Variants in DPYD observed in about 807,000 individuals in gnomAD.
The protein encoded by DPYD is dihydropyrimidine dehydrogenase [NADP(+)].
A neutral mutation model predicts 116.2 loss-of-function variants in DPYD; 109 were observed. The observed-to-expected ratio is 0.94, with a 90% CI of 0.80 to 1.10. DPYD has a LOEUF of 1.10. DPYD is among the 50% of genes least tolerant of loss of function. The pLI is 0.00. For missense variants in DPYD, 1,302 were observed against 1,254.5 expected (o/e 1.04, Z -0.57); for synonymous variants, 440 against 432.0 (o/e 1.02, Z -0.23).
At chr1:97,809,969 G>C (rs1241469167) in intron 3 of DPYD, among the ~76,000 whole-genome samples, 1 of 152,028 alleles carries the variant, frequency 6.6e-6, no homozygotes, top group Admixed American at 6.6e-5. Flanking sequence ...ACATTTTATA[G>C]ATTTCCAGAA....
Position 97,800,844 on chromosome 1 carries a change from G to A in DPYD, c.233+27270C>T, listed in dbSNP as rs74105460. Reference sequence around the variant, plus strand: ...AATGCTTTTAACTTTCATCTCTTCTGTTGTTTCTTGGAGCCTCCTTAATAC... The same window carrying A: ...AATGCTTTTAACTTTCATCTCTTCTATTGTTTCTTGGAGCCTCCTTAATAC... On this transcript the variant is annotated intron_variant, in intron 3 of 22. Coordinates refer to ENST00000370192, the MANE Select transcript of DPYD (RefSeq NM_000110.4). Among the ~76,000 whole-genome samples, 979 of 151,882 alleles carry A rather than the reference G, an allele frequency of 6.4e-3. 16 individuals carry two copies. Among genetic ancestry groups the A allele is most frequent in the African/African-American group, 0.023 (956 of 41,476 alleles).
intron 16 of DPYD, among the ~76,000 whole-genome samples, chr1:97,351,585 T>C (rs1462040197): frequency 1.3e-5 from 2 of 151,064 alleles, no homozygotes; most frequent in African/African-American, 2.5e-5. Context: ...GAAGAAATCA[T>C]GTCCGTGGTA....
chr1:97,457,729 A>G (rs1285097180), intron 13 of DPYD, among the ~76,000 whole-genome samples: 1 of 152,170 alleles, frequency 6.6e-6, no homozygotes, highest in Non-Finnish European at 1.5e-5. Context: ...ACCGGAAATG[A>G]GGATGGGAGG....
chr1:97,202,364 C>T lies in DPYD; in HGVS notation c.2443-9116G>A, dbSNP rs573024327. Among the ~76,000 whole-genome samples, 36 of 152,212 alleles carry T rather than the reference C, an allele frequency of 2.4e-4. 1 individual carries two copies. In the South Asian group the frequency reaches 7.1e-3, roughly 30 times the overall value. On this transcript the variant is annotated intron_variant, in intron 19 of 22. Coordinates refer to ENST00000370192, the MANE Select transcript of DPYD (RefSeq NM_000110.4). ...AAATTTTAAGTATAAAAATTTCCCC[C>T]TTTTCCTCCAATTAGGAAGGAACTT... is the stretch of plus-strand genomic sequence containing the variant.
chr1:97,527,171 C>T (rs1052619955), intron 12 of DPYD, among the ~76,000 whole-genome samples: 6 of 151,784 alleles, frequency 4.0e-5, no homozygotes, highest in Admixed American at 6.6e-5. Context: ...ATCTACCTCC[C>T]GGGTTCACGC....
At chr1:97,848,926 T>C (rs1670441590) in intron 2 of DPYD, among the ~76,000 whole-genome samples, 1 of 152,166 alleles carries the variant, frequency 6.6e-6, no homozygotes, top group Non-Finnish European at 1.5e-5. Flanking sequence ...GACTGAAATC[T>C]AAATATTAGA....
rs148063350 is a variant in DPYD at position 97,893,845 on chromosome 1, C to T, written c.40-10471G>A. On this transcript the variant is annotated intron_variant, in intron 1 of 22. Coordinates refer to ENST00000370192, the MANE Select transcript of DPYD (RefSeq NM_000110.4). The stretch of plus-strand genomic sequence containing the variant: ...CTTCACTTCTAAAATACACACCACA[C>T]AACAGGTGCCTAAATGATCTCTATG... 3.6e-3 allele frequency among the ~76,000 whole-genome samples: 551 copies of T among 151,742 alleles called. 7 individuals carry two copies. Among genetic ancestry groups the T allele is most frequent in the African/African-American group, 0.013 (532 of 41,490 alleles).
At chr1:97,368,817 C>T (rs1243978917) in intron 16 of DPYD, among the ~76,000 whole-genome samples, 1 of 152,180 alleles carries the variant, frequency 6.6e-6, no homozygotes, top group African/African-American at 2.4e-5. Context: ...TTCACATGCA[C>T]CAGAAACAGT....
intron 20 of DPYD, among the ~76,000 whole-genome samples, chr1:97,174,772 GTATT>G (rs1270357855): frequency 2.5e-4 from 38 of 152,150 alleles, no homozygotes; most frequent in African/African-American, 9.2e-4. Context: ...AATTAACAAT[GTATT>G]TATAATATGT....
At chr1:97,220,808 T>C (rs1018256874) in intron 19 of DPYD, among the ~76,000 whole-genome samples, 1 of 152,192 alleles carries the variant, frequency 6.6e-6, no homozygotes, top group Admixed American at 6.5e-5. Flanking sequence ...TACCCAAGAA[T>C]AGAACCTTAC....
intron 13 of DPYD, among the ~76,000 whole-genome samples, chr1:97,458,325 T>C (rs1371553171): frequency 3.3e-5 from 5 of 152,172 alleles, no homozygotes; most frequent in Non-Finnish European, 4.4e-5. Context: ...AGAGGAGTTT[T>C]CCATTTCTAC....
chr1:97,410,493 C>T (rs967914830), intron 14 of DPYD, among the ~76,000 whole-genome samples: 1 of 152,086 alleles, frequency 6.6e-6, no homozygotes, highest in Non-Finnish European at 1.5e-5. Context: ...TTCAGATTTG[C>T]CTTTTTTCTA....
At chr1:97,628,760 T>G (rs1465651276) in intron 8 of DPYD, among the ~76,000 whole-genome samples, 2 of 152,096 alleles carry the variant, frequency 1.3e-5, no homozygotes, top group Non-Finnish European at 2.9e-5. Context: ...CTTCATTATA[T>G]GCAAATAGAA....
intron 20 of DPYD, among the ~76,000 whole-genome samples, chr1:97,120,705 T>G (rs928191728): frequency 3.9e-5 from 6 of 152,198 alleles, no homozygotes; most frequent in African/African-American, 1.2e-4. Flanking sequence ...GTAGTATGGC[T>G]GTAAAAACCA....
chr1:97,405,206 C>G (rs1163239566), intron 14 of DPYD, among the ~76,000 whole-genome samples: 1 of 151,958 alleles, frequency 6.6e-6, no homozygotes, highest in Non-Finnish European at 1.5e-5. Flanking sequence ...TTATTTTGAA[C>G]AAATTGTTAT....
intron 2 of DPYD, among the ~76,000 whole-genome samples, chr1:97,841,016 A>C (rs1021579012): frequency 2.6e-5 from 4 of 152,092 alleles, no homozygotes; most frequent in African/African-American, 9.7e-5. Context: ...ACTACAAGTA[A>C]AACAACTTAA....
In DPYD at chr1:97,608,771, A is replaced by G. The variant is rs182550461; in HGVS notation, c.851-13605T>C. Among the ~76,000 whole-genome samples, 23 of 151,904 alleles carry G rather than the reference A, an allele frequency of 1.5e-4. No individual in the cohort carries two copies. The East Asian group carries it at 4.1e-3, about 27-fold the overall frequency. On this transcript the variant is annotated intron_variant, in intron 8 of 22. Transcript: ENST00000370192. ...GCATTTAATATAAATTTAATAATAC[A>G]CATATAAATGTATATTAATGTGCAA...
intron 20 of DPYD, among the ~76,000 whole-genome samples, chr1:97,168,673 A>G (rs2101762914): frequency 6.6e-6 from 1 of 152,158 alleles, no homozygotes; most frequent in Non-Finnish European, 1.5e-5. Flanking sequence ...CCTTATTTAG[A>G]TTTTTTTAAC....
intron 19 of DPYD, among the ~76,000 whole-genome samples, chr1:97,211,984 A>G (rs1660060512): frequency 1.3e-5 from 2 of 152,124 alleles, no homozygotes; most frequent in African/African-American, 4.8e-5. Context: ...CCCAATTCAG[A>G]TTTCAAAATT....
Sources: allele counts gnomAD v4.1 joint callset (sites outside exome capture counted in the v4.1 genomes callset), GRCh38; gene constraint gnomAD v4.1.1; transcripts MANE v1.5; gene names NCBI Gene and HGNC (gene_info 2026-07-23, HGNC 2026-07-21).